The following LRGUK variants were observed in gnomAD, a reference collection of about 807,000 sequenced individuals.
LRGUK encodes the protein leucine-rich repeat and guanylate kinase domain-containing protein.
A neutral mutation model predicts 76.0 loss-of-function variants in LRGUK; 65 were observed. That is an observed-to-expected ratio of 0.85 (90% CI 0.70 to 1.05). The LOEUF (loss-of-function observed/expected upper bound fraction) is 1.05. Ranked by LOEUF, LRGUK falls within the 50% of genes least tolerant of loss-of-function variation. The pLI, the probability that LRGUK is intolerant of heterozygous loss-of-function variation, is 0.00. For missense variants in LRGUK, 758 were observed against 732.8 expected, an observed-to-expected ratio of 1.03 and a Z score of -0.40; for synonymous variants, 268 against 265.6, an observed-to-expected ratio of 1.01 and a Z score of -0.09.
intron 14 of LRGUK, among the ~76,000 whole-genome samples, chr7:134,199,982 TTATA>T (rs71172442): frequency 0.11 from 4,296 of 38,288 alleles, 195 homozygotes; most frequent in Non-Finnish European, 0.12. Flanking sequence ...CTAGAAACTT[TTATA>T]TATATATATA....
At chr7:134,192,185 C>G (rs781589977) in intron 12 of LRGUK, among the ~76,000 whole-genome samples, 10 of 152,174 alleles carry the variant, frequency 6.6e-5, no homozygotes, top group Non-Finnish European at 1.2e-4. Context: ...TGTGTATTAT[C>G]TGTGGTGCTT....
At chr7:134,191,337 G>A (rs547069853) in intron 11 of LRGUK, among the ~76,000 whole-genome samples, 5 of 152,274 alleles carry the variant, frequency 3.3e-5, no homozygotes, top group South Asian at 4.1e-4. Flanking sequence ...CAGGTGGGTG[G>A]AAAATAGTTG....
chr7:134,171,787 T>C (rs1799262913), intron 7 of LRGUK, among the ~76,000 whole-genome samples: 1 of 152,174 alleles, frequency 6.6e-6, no homozygotes, highest in African/African-American at 2.4e-5. Context: ...TCTCTACTCC[T>C]GCTGTAAAAG....
At chr7:134,209,639 A>G in exon 16 of LRGUK, 1 of 399,242 alleles carries the variant, frequency 2.5e-6, no homozygotes. Flanking sequence ...GGCTTTAGGA[A>G]CAACCTCCCA....
intron 4 of LRGUK, among the ~76,000 whole-genome samples, chr7:134,145,033 C>T (rs1418511564): frequency 6.6e-6 from 1 of 152,124 alleles, no homozygotes. Context: ...TCCTTGCACT[C>T]TCCCAGAAAG....
chr7:134,185,514 C>T (rs915869310), intron 11 of LRGUK, among the ~76,000 whole-genome samples: 1 of 149,246 alleles, frequency 6.7e-6, no homozygotes, highest in African/African-American at 2.5e-5. Context: ...GGCAACAGAG[C>T]GAGACTCTGT....
chr7:134,186,566 A>G (rs1799988704), intron 11 of LRGUK, among the ~76,000 whole-genome samples: 1 of 152,208 alleles, frequency 6.6e-6, no homozygotes, highest in Non-Finnish European at 1.5e-5. Flanking sequence ...AGATCATATA[A>G]ATGACTGTAA....
chr7:134,275,679 A>C, the LRGUK span, among the ~76,000 whole-genome samples: 2 of 152,168 alleles, frequency 1.3e-5, no homozygotes, highest in Admixed American at 6.5e-5. Flanking sequence ...TGATAAATTC[A>C]TTGAATGAGA....
the LRGUK span, among the ~76,000 whole-genome samples, chr7:134,271,197 C>A: frequency 1.3e-5 from 2 of 151,842 alleles, no homozygotes; most frequent in Admixed American, 6.6e-5. Context: ...TTTATATATT[C>A]TGGTTAATAA....
At chr7:134,261,103 G>C (rs1868785) in intron 19 of LRGUK, among the ~76,000 whole-genome samples, 65,591 of 151,902 alleles carry the variant, frequency 0.43, 14,612 homozygotes, top group South Asian at 0.56. Context: ...CAGCCAGTCT[G>C]TAGTTGTTTA....
At chr7:134,210,937 C>G (rs961472621), downstream of LRGUK, among the ~76,000 whole-genome samples, 4 of 152,234 alleles carry the variant, frequency 2.6e-5, no homozygotes, top group Non-Finnish European at 5.9e-5. Context: ...GAAGACTGCG[C>G]CCCAGGAGCA....
chr7:134,178,713 A>G (rs1355894113), intron 10 of LRGUK, 104 bp downstream of exon 10: 1 of 756,060 alleles, frequency 1.3e-6, no homozygotes, highest in Non-Finnish European at 2.0e-6. Flanking sequence ...TTTCCTATAA[A>G]GGCTGCTTTT....
intron 16 of LRGUK, among the ~76,000 whole-genome samples, chr7:134,230,015 A>G (rs1173149307): frequency 6.6e-6 from 1 of 152,182 alleles, no homozygotes; most frequent in Non-Finnish European, 1.5e-5. Context: ...ATTCATTATG[A>G]AGGAAAAATC....
intron 7 of LRGUK, among the ~76,000 whole-genome samples, chr7:134,171,657 G>C (rs1563159912): frequency 1.3e-5 from 2 of 152,216 alleles, no homozygotes; most frequent in Non-Finnish European, 2.9e-5. Context: ...GAATGCGCTG[G>C]ACTGGAGTCT....
chr7:134,175,667 G>C (rs1195693055), intron 8 of LRGUK, among the ~76,000 whole-genome samples: 1 of 152,136 alleles, frequency 6.6e-6, no homozygotes, highest in Non-Finnish European at 1.5e-5. Flanking sequence ...TGGCGCAAAA[G>C]TAATTGTGGT....
At chr7:134,165,472 G>A (rs1213208133) in intron 7 of LRGUK, among the ~76,000 whole-genome samples, 1 of 152,086 alleles carries the variant, frequency 6.6e-6, no homozygotes, top group East Asian at 1.9e-4. Context: ...CCAATACAGT[G>A]CTTTCTCAGC....
intron 2 of LRGUK, among the ~76,000 whole-genome samples, chr7:134,137,743 C>G (rs950764159): frequency 4.6e-5 from 7 of 152,156 alleles, no homozygotes; most frequent in African/African-American, 1.7e-4. Flanking sequence ...CTTCTTTCCT[C>G]ATTTTGTCTC....
At chr7:134,260,536 C>T (rs994043721) in intron 19 of LRGUK, among the ~76,000 whole-genome samples, 3 of 152,206 alleles carry the variant, frequency 2.0e-5, no homozygotes, top group Admixed American at 1.3e-4. Flanking sequence ...AGCCTAGGAT[C>T]AGGCTTGCAT....
intron 7 of LRGUK, among the ~76,000 whole-genome samples, chr7:134,165,133 G>C (rs1375499884): frequency 2.0e-5 from 3 of 152,110 alleles, no homozygotes; most frequent in Non-Finnish European, 1.5e-5. Flanking sequence ...TTAGGAAAAG[G>C]AGTAACAATA....
Sources: gnomAD v4.1 joint callset for allele counts (sites outside exome capture counted in the v4.1 genomes callset) on GRCh38, gnomAD v4.1.1 for gene constraint, MANE v1.5 for transcripts, NCBI Gene and HGNC (gene_info 2026-07-23, HGNC 2026-07-21) for gene names.